CDON: variants seen among roughly 807,000 people sequenced by gnomAD.
CDON encodes cell adhesion associated, oncogene regulated.
In CDON, 73 loss-of-function variants were observed where a neutral mutation model predicts 120.9. The ratio of observed to expected loss-of-function variants is 0.60; its 90% CI spans 0.50 to 0.73. CDON has a LOEUF of 0.73. CDON is among the 30% of genes least tolerant of loss of function. The pLI is 0.00. For synonymous variants in CDON, 566 were observed against 573.5 expected (o/e 0.99, Z 0.19); for missense variants, 1,470 against 1,587.3 (o/e 0.93, Z 1.26).
Position 126,010,440 on chromosome 11 carries a change from G to A in CDON, c.1453C>T (p.Leu485Phe), listed in dbSNP as rs969585556. ...TCCTGAGTCACAGCCTGAATATGGA[G>A]AGAGCTTGCACCAGCTTGGGACAGG... is the stretch of plus-strand genomic sequence containing the variant. ...FVLSQAGASS[L>F]HIQAVTQEHA... The change falls in exon 8 of 20, where the codon CTC (leucine) becomes TTC (phenylalanine). Residue 485 changes from leucine to phenylalanine, a missense_variant. Transcript: ENST00000531738. The A allele has an allele frequency of 6.2e-7, 1 of 1,614,134 alleles. No individual in the cohort carries two copies. Among genetic ancestry groups the A allele is most frequent in the Non-Finnish European group, 8.5e-7 (1 of 1,180,004 alleles).
chr11:126,006,991 G>A (rs1947146987), intron 8 of CDON, among the ~76,000 whole-genome samples: 1 of 152,032 alleles, frequency 6.6e-6, no homozygotes, highest in Non-Finnish European at 1.5e-5. Context: ...GAATGTTCAT[G>A]GTGCTGCTGT....
intron 1 of CDON, among the ~76,000 whole-genome samples, chr11:126,042,879 TC>T (rs1948300134): frequency 6.6e-6 from 1 of 152,160 alleles, no homozygotes; most frequent in Non-Finnish European, 1.5e-5. Context: ...TGCCTCGGCC[TC>T]CCAAAGTGCT....
At chr11:125,983,258 A>G (rs1468587314) in intron 16 of CDON, among the ~76,000 whole-genome samples, 3 of 152,208 alleles carry the variant, frequency 2.0e-5, no homozygotes, top group African/African-American at 4.8e-5. Context: ...AAGAGAACTG[A>G]AGGAAGAGAA....
At position 126,003,893 on chromosome 11, in the gene CDON, C is replaced by T. The variant is rs1236811011; in HGVS notation, c.2026+9G>A. 2.5e-6 allele frequency: 4 copies of T among 1,613,032 alleles called. No homozygotes were observed. The highest frequency in any genetic ancestry group is 3.4e-6 in the Non-Finnish European group (4 of 1,179,154). ...CCAGCTCATTCCTCCAAAGGAAGCC[C>T]TCACTCACCTTTGCTGGTTCGGAAG... On this transcript the variant is annotated intron_variant, in intron 10 of 19. Transcript: ENST00000531738.
chr11:125,967,150 A>G (rs1407354321), intron 18 of CDON, among the ~76,000 whole-genome samples: 1 of 152,242 alleles, frequency 6.6e-6, no homozygotes, highest in Non-Finnish European at 1.5e-5. Flanking sequence ...ATATTTTTAG[A>G]ATACAAACAT....
At chr11:126,001,897 G>T (rs759144499) in intron 10 of CDON, 47 bp from the exon 11 acceptor site, 12 of 1,405,242 alleles carry the variant, frequency 8.5e-6, no homozygotes, top group Non-Finnish European at 1.2e-5. Flanking sequence ...ATATATGTAT[G>T]TAAAGTGGAA....
chr11:126,028,707 A>AATTTATTTATTT lies in CDON; in HGVS notation c.-61-5182_-61-5171dup, dbSNP rs60571626. On this transcript the variant is annotated intron_variant, in intron 1 of 19. Coordinates refer to ENST00000531738, the MANE Select transcript of CDON (RefSeq NM_001378964.1). ...AATAAAACTTTTAACAGCTGCGGAG[A>AATTTATTTATTT]ATTTATTTATTTATTTATTTATTTA... Among the ~76,000 whole-genome samples, 186 of 145,900 alleles carry AATTTATTTATTT rather than the reference A, an allele frequency of 1.3e-3. 1 individual carries two copies. Among genetic ancestry groups the AATTTATTTATTT allele is most frequent in the South Asian group, 7.3e-3 (33 of 4,498 alleles).
At chr11:125,991,050 A>C (rs1012573421) in intron 14 of CDON, among the ~76,000 whole-genome samples, 1 of 152,190 alleles carries the variant, frequency 6.6e-6, no homozygotes, top group Non-Finnish European at 1.5e-5. Flanking sequence ...ACACTCACCT[A>C]CACTATAAAT....
intron 2 of CDON, among the ~76,000 whole-genome samples, chr11:126,021,818 G>A (rs1947648520): frequency 1.3e-5 from 2 of 152,058 alleles, no homozygotes; most frequent in African/African-American, 4.8e-5. Flanking sequence ...AAATAGCAAA[G>A]TGCAGCTGGG....
At chr11:126,019,882 C>T (rs1947584216) in intron 3 of CDON, 117 bp from the exon 4 acceptor site, 1 of 878,120 alleles carries the variant, frequency 1.1e-6, no homozygotes, top group African/African-American at 1.7e-5. Context: ...GCAGCTGACC[C>T]CAGTCCAGAG....
At chr11:126,047,909 AGG>A (rs1229356387) in intron 1 of CDON, among the ~76,000 whole-genome samples, 6 of 152,212 alleles carry the variant, frequency 3.9e-5, no homozygotes, top group Non-Finnish European at 8.8e-5. Flanking sequence ...ATATAAAATA[AGG>A]ATGTGGATGT....
In CDON at chr11:125,981,324, C is replaced by G; in HGVS notation, c.3001G>C (p.Asp1001His). 1 of 1,612,656 alleles carries G rather than the reference C, an allele frequency of 6.2e-7. No individual in the cohort carries two copies. Among genetic ancestry groups the G allele is most frequent in the African/African-American group, 1.3e-5 (1 of 74,980 alleles). Residue 1001 changes from aspartate (D) to histidine (H), a missense_variant, in exon 17 of 20, where the codon GAC becomes CAC. Coordinates refer to ENST00000531738, the MANE Select transcript of CDON (RefSeq NM_001378964.1). ...CCTTGGTAGAGATATCCTGGTGGGTCATATTCTGTTAAAAGAGAACAAAAA... is the reference window on the plus strand; with the variant it reads ...CCTTGGTAGAGATATCCTGGTGGGTGATATTCTGTTAAAAGAGAACAAAAA... ...NRQQNTIQKY[D>H]PPGYLYQGSD...
Position 126,016,960 on chromosome 11 carries a change from G to C in CDON, c.928+128C>G, listed in dbSNP as rs1030537526. 3 of 760,328 alleles carry C rather than the reference G, an allele frequency of 3.9e-6. No individual in the cohort carries two copies. The African/African-American group carries it at 5.3e-5, about 13-fold the overall frequency. 47.1% of individuals were successfully genotyped at this position (760,328 alleles called of 1,614,324 possible). ...GCAGTCCATTATAAAAATGAAACTTGTTCTGGCTAGGGTATAGATAGTTCT... is the reference window on the plus strand; with the variant it reads ...GCAGTCCATTATAAAAATGAAACTTCTTCTGGCTAGGGTATAGATAGTTCT... On this transcript the variant is annotated intron_variant, in intron 6 of 19. Transcript: ENST00000531738.
chr11:126,045,172 C>T (rs1156469483), intron 1 of CDON, among the ~76,000 whole-genome samples: 3 of 152,004 alleles, frequency 2.0e-5, no homozygotes, highest in Admixed American at 6.6e-5. Flanking sequence ...ATTACAGGCA[C>T]GCGCCACCAT....
chr11:126,017,417 G>A (rs781230552), intron 5 of CDON, 42 bp from the exon 6 acceptor site: 36 of 1,578,688 alleles, frequency 2.3e-5, no homozygotes, highest in South Asian at 2.0e-4. Flanking sequence ...GTAAGTCTTC[G>A]ATTCTAATCT....
At chr11:126,037,846 C>T (rs1205780290) in intron 1 of CDON, among the ~76,000 whole-genome samples, 1 of 152,044 alleles carries the variant, frequency 6.6e-6, no homozygotes, top group Non-Finnish European at 1.5e-5. Context: ...CAGTTTTTTT[C>T]CAGCTTTGGA....
chr11:125,967,729 C>T (rs1449990300), intron 18 of CDON, among the ~76,000 whole-genome samples: 1 of 152,190 alleles, frequency 6.6e-6, no homozygotes, highest in Non-Finnish European at 1.5e-5. Context: ...GTTGACCTCC[C>T]TGGCTCATGT....
intron 14 of CDON, among the ~76,000 whole-genome samples, chr11:125,993,320 G>A (rs1265435744): frequency 6.6e-6 from 1 of 152,062 alleles, no homozygotes; most frequent in Non-Finnish European, 1.5e-5. Flanking sequence ...ATCTAGTAGA[G>A]GAGACAGACT....
At chr11:125,982,543 T>C (rs1946343375) in intron 16 of CDON, among the ~76,000 whole-genome samples, 1 of 152,072 alleles carries the variant, frequency 6.6e-6, no homozygotes, top group Non-Finnish European at 1.5e-5. Context: ...GCTTGTGGTC[T>C]CACTAAGCTA....
Sources: gnomAD v4.1 joint callset for allele counts (sites outside exome capture counted in the v4.1 genomes callset) on GRCh38, gnomAD v4.1.1 for gene constraint, MANE v1.5 for transcripts, NCBI Gene and HGNC (gene_info 2026-07-23, HGNC 2026-07-21) for gene names.